VPS13B: variants seen among roughly 807,000 people sequenced by gnomAD.
The protein encoded by VPS13B is intermembrane lipid transfer protein VPS13B.
VPS13B carries 285 observed loss-of-function variants against 426.4 expected under a neutral mutation model. That is an observed-to-expected ratio of 0.67 (90% CI 0.61 to 0.74). The LOEUF (loss-of-function observed/expected upper bound fraction) is 0.74, where lower values mean the gene tolerates loss of function less well. Among genes scored for constraint, VPS13B ranks in the 30% least tolerant of loss-of-function variants. VPS13B has a pLI of 0.00. For synonymous variants in VPS13B, 1,676 were observed against 1,676.4 expected (o/e 1.00, Z 0.01); for missense variants, 4,537 against 4,782.6 (o/e 0.95, Z 1.51).
intron 8 of VPS13B, among the ~76,000 whole-genome samples, chr8:99,129,569 TAAAAAA>T (rs36029878): frequency 1.3e-5 from 1 of 79,158 alleles, no homozygotes; most frequent in African/African-American, 4.8e-5. Flanking sequence ...TGTGTCTCCT[TAAAAAA>T]AAAAAAAAAA....
chr8:99,642,949 T>G (rs1035739949), intron 34 of VPS13B, among the ~76,000 whole-genome samples: 10 of 152,192 alleles, frequency 6.6e-5, no homozygotes, highest in Non-Finnish European at 5.9e-5. Flanking sequence ...TTAAATGTAA[T>G]TGAGAAGGTT....
At chr8:99,206,278 A>G (rs1195439329) in intron 17 of VPS13B, among the ~76,000 whole-genome samples, 2 of 152,178 alleles carry the variant, frequency 1.3e-5, no homozygotes, top group African/African-American at 2.4e-5. Flanking sequence ...AGGTGATCAA[A>G]TGGACATTCG....
chr8:99,574,884 T>C (rs1165536441), intron 31 of VPS13B, among the ~76,000 whole-genome samples: 1 of 152,110 alleles, frequency 6.6e-6, no homozygotes, highest in Non-Finnish European at 1.5e-5. Flanking sequence ...CCTTAACAGC[T>C]GGACATGGTG....
At chr8:99,304,990 A>G (rs1324677667) in intron 19 of VPS13B, among the ~76,000 whole-genome samples, 1 of 152,184 alleles carries the variant, frequency 6.6e-6, no homozygotes, top group Non-Finnish European at 1.5e-5. Context: ...ACGATTTGCA[A>G]TTCCATGAAA....
intron 55 of VPS13B, among the ~76,000 whole-genome samples, chr8:99,850,561 A>C (rs915824188): frequency 1.3e-5 from 2 of 152,154 alleles, no homozygotes; most frequent in African/African-American, 4.8e-5. Flanking sequence ...TTTTATGATC[A>C]GAAAAAATAA....
chr8:99,390,123 A>G lies in VPS13B; in HGVS notation c.2935-1434A>G, dbSNP rs186197864. Among the ~76,000 whole-genome samples the G allele has an allele frequency of 6.0e-3, 891 of 147,316 alleles. 4 individuals are homozygous for G. The highest frequency in any genetic ancestry group is 0.011 in the Non-Finnish European group (716 of 67,160). ...AAATTTTTTTTTTTTTTTGAGATGG[A>G]GTCTCACTCTGTTGCCCAGGCTGTA... On this transcript the variant is annotated intron_variant, in intron 20 of 61. Coordinates refer to ENST00000357162, the MANE Select transcript of VPS13B (RefSeq NM_152564.5).
chr8:99,431,715 A>C (rs746816596), intron 22 of VPS13B, 51 bp downstream of exon 22: 10 of 1,566,956 alleles, frequency 6.4e-6, no homozygotes, highest in Non-Finnish European at 7.8e-6. Flanking sequence ...AATCCTTTTT[A>C]ATTCCCAGCA....
intron 19 of VPS13B, chr8:99,341,234 T>C: frequency 5.6e-6 from 1 of 177,032 alleles, no homozygotes; most frequent in Non-Finnish European, 1.2e-5. Context: ...ATGCTTCTCG[T>C]AGGACTCCAA....
rs1364781912 is a variant in VPS13B at position 99,580,339 on chromosome 8, T to TTTC, written c.5220+2706_5220+2707insTTC. On this transcript the variant is annotated intron_variant, in intron 33 of 61. Coordinates refer to ENST00000357162, the MANE Select transcript of VPS13B (RefSeq NM_152564.5). Reference sequence around the variant, plus strand: ...ATATAACATTAAATATATATATATATATTTCTTTTCTTTTCTTTTCTTTTC... The same window carrying TTTC: ...ATATAACATTAAATATATATATATATTTCATTTCTTTTCTTTTCTTTTCTTTTC... Among the ~76,000 whole-genome samples, 71 of 148,104 alleles carry TTTC rather than the reference T, an allele frequency of 4.8e-4. 1 individual carries two copies. Among genetic ancestry groups the TTTC allele is most frequent in the East Asian group, 2.7e-3 (14 of 5,112 alleles).
intron 25 of VPS13B, among the ~76,000 whole-genome samples, chr8:99,495,079 T>C (rs1005348997): frequency 1.6e-4 from 24 of 152,160 alleles, no homozygotes; most frequent in Non-Finnish European, 3.2e-4. Flanking sequence ...ATGTGAAATA[T>C]AAACTTTCCA....
intron 33 of VPS13B, among the ~76,000 whole-genome samples, chr8:99,624,808 CTTTTTTT>C (rs35211688): frequency 7.3e-6 from 1 of 136,908 alleles, no homozygotes; most frequent in Non-Finnish European, 1.6e-5. Flanking sequence ...CCTTATTTTG[CTTTTTTT>C]TTTTTTTTTC....
Position 99,192,880 on chromosome 8 carries a change from A to C in VPS13B, c.2338A>C (p.Lys780Gln), listed in dbSNP as rs1359263734. The C allele has an allele frequency of 6.2e-7, 1 of 1,612,918 alleles. No individual in the cohort carries two copies. Among genetic ancestry groups the C allele is most frequent in the East Asian group, 2.2e-5 (1 of 44,798 alleles). ...KLLKLPTCWT[K>Q]RSQIAITEGI... ...TCTTTCTGTTTTCTTGTGCAGGACC[A>C]AAAGATCTCAGATTGCTATAACTGA... The change falls in exon 17 of 62, where the codon AAA becomes CAA. Residue 780 changes from lysine (K) to glutamine (Q), a missense_variant. Lys to Gln is a moderately conservative substitution (Grantham distance 53). This residue lies in a region of VPS13B where 4,311 missense variants were observed against 4,474.3 expected (regional missense o/e 0.96). Transcript: ENST00000357162.
chr8:99,652,206 C>G (rs552467677), intron 34 of VPS13B, among the ~76,000 whole-genome samples: 1 of 152,184 alleles, frequency 6.6e-6, no homozygotes, highest in Non-Finnish European at 1.5e-5. Flanking sequence ...GATTAGACCT[C>G]TCGGTACTAA....
chr8:99,314,370 CT>C (rs1364730156), intron 19 of VPS13B, among the ~76,000 whole-genome samples: 5 of 151,796 alleles, frequency 3.3e-5, no homozygotes, highest in African/African-American at 1.2e-4. Flanking sequence ...GTTCCATGTG[CT>C]GATGAGAAGA....
intron 61 of VPS13B, among the ~76,000 whole-genome samples, chr8:99,873,015 A>T (rs1817507442): frequency 6.6e-6 from 1 of 152,206 alleles, no homozygotes; most frequent in Non-Finnish European, 1.5e-5. Flanking sequence ...GTCCAGGCTG[A>T]CTTTATTAGA....
intron 40 of VPS13B, among the ~76,000 whole-genome samples, chr8:99,768,721 G>A (rs1261164576): frequency 1.3e-5 from 2 of 152,108 alleles, no homozygotes; most frequent in South Asian, 2.1e-4. Flanking sequence ...TGTAGAATTA[G>A]TGAAAATATA....
chr8:99,706,641 C>T (rs1020420825), intron 36 of VPS13B, among the ~76,000 whole-genome samples: 14 of 152,124 alleles, frequency 9.2e-5, no homozygotes, highest in Non-Finnish European at 5.9e-5. Context: ...AGACTGTTTG[C>T]TAGAAAACTG....
chr8:99,699,135 T>C (rs2130174618), intron 35 of VPS13B, among the ~76,000 whole-genome samples: 1 of 143,176 alleles, frequency 7.0e-6, no homozygotes, highest in East Asian at 1.9e-4. Context: ...GAAAGTCTTT[T>C]TTTTTTTTTT....
intron 19 of VPS13B, among the ~76,000 whole-genome samples, chr8:99,356,701 A>T (rs920103604): frequency 1.1e-4 from 17 of 152,184 alleles, no homozygotes; most frequent in African/African-American, 4.8e-5. Context: ...AGTAATTTTA[A>T]AAGGTGAGCT....
Sources: allele counts gnomAD v4.1 joint callset (sites outside exome capture counted in the v4.1 genomes callset), GRCh38; gene constraint gnomAD v4.1.1; regional missense constraint gnomAD v4.1.1; transcripts MANE v1.5; gene names NCBI Gene and HGNC (gene_info 2026-07-23, HGNC 2026-07-21).